Variants in C18orf63 observed in about 807,000 individuals in gnomAD.
C18orf63 encodes chromosome 18 open reading frame 63, also known as uncharacterized protein C18orf63.
In C18orf63, 50 loss-of-function variants were observed where a neutral mutation model predicts 75.3. The ratio of observed to expected loss-of-function variants is 0.66; its 90% CI spans 0.53 to 0.84. C18orf63 has a LOEUF of 0.84. Among genes scored for constraint, C18orf63 ranks in the 40% least tolerant of loss-of-function variants. The pLI is 0.00. For synonymous variants in C18orf63, 232 were observed against 267.6 expected (o/e 0.87, Z 1.30); for missense variants, 732 against 800.2 (o/e 0.91, Z 1.03).
chr18:74,354,039 A>G lies in C18orf63; in HGVS notation c.1772A>G (p.Lys591Arg). 1 of 1,536,370 alleles carries G rather than the reference A, an allele frequency of 6.5e-7. No individual in the cohort carries two copies. Among genetic ancestry groups the G allele is most frequent in the Non-Finnish European group, 8.7e-7 (1 of 1,146,938 alleles). Residue 591 changes from lysine to arginine, a missense_variant, in exon 12 of 14, where the codon AAA becomes AGA. Physicochemically the swap from Lys to Arg is conservative, Grantham distance 26. Around this residue, in one of 3 missense-constraint regions of C18orf63, gnomAD observed 495 missense variants for 508.7 expected, o/e 0.97. Transcript: ENST00000579455. ...LGKSHGSLKL[K>R]RQPHIFESDG... is the part of the protein sequence containing the mutation. ...AAAAGCCATGGGTCACTAAAACTGA[A>G]AAGACAGCCACACATTTTTGAATCA...
intron 4 of C18orf63, among the ~76,000 whole-genome samples, chr18:74,323,556 C>T (rs1984160156): frequency 6.6e-6 from 1 of 152,156 alleles, no homozygotes; most frequent in Admixed American, 6.5e-5. Context: ...TCTAAGGATT[C>T]TGGTTATCTT....
chr18:74,353,433 CAG>C lies in C18orf63; in HGVS notation c.1169_1170del (p.Glu390ValfsTer5), dbSNP rs1239842887. Reference sequence around the variant, plus strand: ...ATTTTCTCAGCTTTGCATCTCCAGCCAGAGTCTGTTCAGGGTAGAAAGAAATC... The same window carrying C: ...ATTTTCTCAGCTTTGCATCTCCAGCCAGTCTGTTCAGGGTAGAAAGAAATC... On this transcript the variant is annotated frameshift_variant, in exon 12 of 14. Transcript: ENST00000579455. LOFTEE classifies it high-confidence loss of function. The C allele has an allele frequency of 1.3e-6, 2 of 1,536,364 alleles. No individual in the cohort carries two copies. Among genetic ancestry groups the C allele is most frequent in the Non-Finnish European group, 8.7e-7 (1 of 1,146,952 alleles).
chr18:74,352,707 T>C (rs72965873), intron 11 of C18orf63, among the ~76,000 whole-genome samples: 24,984 of 152,154 alleles, frequency 0.16, 2,147 homozygotes, highest in Admixed American at 0.2. Context: ...AAATAAGTCA[T>C]GGTTCTTACC....
At chr18:74,319,103 A>G (rs752514795) in intron 2 of C18orf63, among the ~76,000 whole-genome samples, 1 of 152,200 alleles carries the variant, frequency 6.6e-6, no homozygotes, top group African/African-American at 2.4e-5. Context: ...CTAAAGTATA[A>G]TATGATACCT....
Position 74,353,457 on chromosome 18 carries a change from A to C in C18orf63, c.1190A>C (p.Lys397Thr), listed in dbSNP as rs1984704889. Residue 397 changes from lysine (K) to threonine (T), a missense_variant, in exon 12 of 14, where the codon AAA (lysine) becomes ACA (threonine). Transcript: ENST00000579455. Reference protein sequence around the residue: ...LQPESVQGRKKSLSIRAPQVH... With the variant: ...LQPESVQGRKTSLSIRAPQVH... ...CCAGAGTCTGTTCAGGGTAGAAAGA[A>C]ATCCCTGTCTATCAGGGCTCCACAA... 6.5e-7 allele frequency: 1 copy of C among 1,536,250 alleles called. No homozygotes were observed. Among genetic ancestry groups the C allele is most frequent in the African/African-American group, 1.4e-5 (1 of 73,054 alleles).
At chr18:74,324,393 T>C (rs746023746) in intron 4 of C18orf63, among the ~76,000 whole-genome samples, 1 of 152,222 alleles carries the variant, frequency 6.6e-6, no homozygotes, top group Non-Finnish European at 1.5e-5. Context: ...ATTACAAGTG[T>C]TTTTGGTCTT....
At position 74,340,589 on chromosome 18, in the gene C18orf63, G is replaced by T. The variant is rs574474817; in HGVS notation, c.612-1443G>T. Among the ~76,000 whole-genome samples the T allele has an allele frequency of 6.6e-5, 10 of 152,282 alleles. No homozygotes were observed. The East Asian group carries it at 1.9e-3, about 29-fold the overall frequency. ...TTTCAGCATTATTCATAACAGCCAA[G>T]ATGTGGAATCAACCTAAGTGCCCAG... On this transcript the variant is annotated intron_variant, in intron 8 of 13. Transcript: ENST00000579455.
intron 11 of C18orf63, among the ~76,000 whole-genome samples, chr18:74,347,686 C>T (rs1984596563): frequency 6.6e-6 from 1 of 152,140 alleles, no homozygotes; most frequent in South Asian, 2.1e-4. Context: ...CTCTAAGATT[C>T]ATGCAGTGTA....
intron 11 of C18orf63, among the ~76,000 whole-genome samples, chr18:74,352,910 G>A (rs1984692204): frequency 1.3e-5 from 2 of 152,264 alleles, no homozygotes; most frequent in South Asian, 4.1e-4. Context: ...TCTGAAGGAG[G>A]TCATACCTTG....
chr18:74,332,663 CA>C, intron 7 of C18orf63, among the ~76,000 whole-genome samples: 3 of 150,982 alleles, frequency 2.0e-5, no homozygotes, highest in African/African-American at 7.3e-5. Context: ...GAGCCAAGAT[CA>C]TGCCACTGCA....
chr18:74,316,410 T>A (rs1488982852), intron 1 of C18orf63, among the ~76,000 whole-genome samples: 3 of 152,116 alleles, frequency 2.0e-5, no homozygotes, highest in Non-Finnish European at 4.4e-5. Flanking sequence ...GGCGCTCGCC[T>A]GGGGGCAGCG....
At chr18:74,350,819 A>G (rs549289702) in intron 11 of C18orf63, among the ~76,000 whole-genome samples, 4 of 152,262 alleles carry the variant, frequency 2.6e-5, no homozygotes, top group African/African-American at 7.2e-5. Context: ...AGGATGTGCT[A>G]TGCTCTGAAT....
At chr18:74,329,394 A>C (rs1984266736) in intron 6 of C18orf63, among the ~76,000 whole-genome samples, 1 of 150,476 alleles carries the variant, frequency 6.6e-6, no homozygotes, top group Non-Finnish European at 1.5e-5. Context: ...AAAAAAAAAA[A>C]AACCAGTAAC....
chr18:74,357,602 T>G lies in C18orf63; in HGVS notation c.*1155T>G, dbSNP rs972861178. On this transcript the variant is annotated 3_prime_UTR_variant, in exon 14 of 14. Transcript: ENST00000579455. ...TAGCCACTAGAGATCCAAGTATAAG[T>G]TGAACTCTGATTTTGTAAATGTGAT... 14 of 152,180 alleles carry G rather than the reference T, an allele frequency of 9.2e-5. 1 individual carries two copies. Among genetic ancestry groups the G allele is most frequent in the Non-Finnish European group, 1.6e-4 (11 of 68,032 alleles). 9.4% of individuals were successfully genotyped at this position (152,180 alleles called of 1,614,324 possible). A position where few individuals can be genotyped will look rare whatever the true frequency, so the allele number is the denominator to read the frequency against.
In C18orf63 at chr18:74,322,998, A is replaced by G. The variant is rs541696651; in HGVS notation, c.270+244A>G. Among the ~76,000 whole-genome samples the G allele has an allele frequency of 1.8e-3, 280 of 152,344 alleles. 1 individual carries two copies. The highest frequency in any genetic ancestry group is 4.6e-3 in the Admixed American group (71 of 15,304). The stretch of plus-strand genomic sequence containing the variant: ...TATGTGGCATAATCTTATTTGCCAT[A>G]TACATCTTCAGATAAGTGAATCTCG... On this transcript the variant is annotated intron_variant, in intron 4 of 13. Coordinates refer to ENST00000579455, the MANE Select transcript of C18orf63 (RefSeq NM_001174123.2).
Position 74,353,516 on chromosome 18 carries a change from A to G in C18orf63, c.1249A>G (p.Asn417Asp). 1 of 1,536,658 alleles carries G rather than the reference A, an allele frequency of 6.5e-7. No individual in the cohort carries two copies. Among genetic ancestry groups the G allele is most frequent in the Non-Finnish European group, 8.7e-7 (1 of 1,147,022 alleles). ...AGAAGTATTAATGCCCAACAGAGGA[A>G]ATACTCAAGTTCAGCACACAAATCT... ...HSEVLMPNRG[N>D]TQVQHTNLSS... Residue 417 changes from asparagine (N) to aspartate (D), a missense_variant, in exon 12 of 14, where the codon AAT becomes GAT. This residue lies in a region of C18orf63 where 495 missense variants were observed against 508.7 expected (regional missense o/e 0.97). Transcript: ENST00000579455.
intron 11 of C18orf63, among the ~76,000 whole-genome samples, chr18:74,346,839 G>T (rs910399793): frequency 1.3e-5 from 2 of 152,150 alleles, no homozygotes; most frequent in African/African-American, 4.8e-5. Context: ...CTTTCTGCAT[G>T]CCAGCTGCTT....
In C18orf63 at chr18:74,328,977, T is replaced by C; in HGVS notation, c.383-18T>C. 2 of 1,413,046 alleles carry C rather than the reference T, an allele frequency of 1.4e-6. No homozygotes were observed. Among genetic ancestry groups the C allele is most frequent in the Non-Finnish European group, 1.9e-6 (2 of 1,034,918 alleles). The allele number at this position is 1,413,046 out of a possible 1,614,324, so 87.5% of individuals were successfully genotyped here. A position where few individuals can be genotyped will look rare whatever the true frequency, so the allele number is the denominator to read the frequency against. On this transcript the variant is annotated intron_variant, in intron 5 of 13. Transcript: ENST00000579455. ...TTATGAGTTGTAATAACATGGCATATTCTATGAATTTTTTAAGGAAGAGAT... is the reference window on the plus strand; with the variant it reads ...TTATGAGTTGTAATAACATGGCATACTCTATGAATTTTTTAAGGAAGAGAT...
chr18:74,332,978 A>G (rs946023884), intron 7 of C18orf63, among the ~76,000 whole-genome samples: 3 of 152,206 alleles, frequency 2.0e-5, no homozygotes, highest in African/African-American at 7.2e-5. Context: ...GGAGTAAGAC[A>G]TAAATAGAGA....
Sources: gnomAD v4.1 joint callset for allele counts (sites outside exome capture counted in the v4.1 genomes callset) on GRCh38, gnomAD v4.1.1 for gene constraint, gnomAD v4.1.1 regional missense constraint, MANE v1.5 for transcripts, NCBI Gene and HGNC (gene_info 2026-07-23, HGNC 2026-07-21) for gene names.